The following MACF1 variants were observed in gnomAD, a reference collection of about 807,000 sequenced individuals.
MACF1 encodes the protein microtubule-actin cross-linking factor 1.
A neutral mutation model predicts 854.8 loss-of-function variants in MACF1; 193 were observed. That is an observed-to-expected ratio of 0.23 (90% CI 0.20 to 0.25). MACF1 has a LOEUF of 0.25. Ranked by LOEUF, MACF1 falls within the 10% of genes least tolerant of loss-of-function variation. The pLI is 1.00. For synonymous variants in MACF1, 3,185 were observed against 3,226.7 expected, an observed-to-expected ratio of 0.99 and a Z score of 0.44; for missense variants, 7,722 against 8,929.1, an observed-to-expected ratio of 0.86 and a Z score of 5.45.
In MACF1 at chr1:39,484,725, G is replaced by C; in HGVS notation, c.22406G>C (p.Arg7469Pro). The C allele has an allele frequency of 6.2e-7, 1 of 1,614,036 alleles. No homozygotes were observed. Among genetic ancestry groups the C allele is most frequent in the African/African-American group, 1.3e-5 (1 of 74,998 alleles). Residue 7469 changes from arginine to proline, a missense_variant, in exon 100 of 101, where the codon CGG becomes CCG. Transcript: ENST00000564288. Reference sequence around the variant, plus strand: ...GCCTCCACAGGTGCCAAAACTAATCGGGCAGGTAAGTACCTGCCCCGTGAC... The same window carrying C: ...GCCTCCACAGGTGCCAAAACTAATCCGGCAGGTAAGTACCTGCCCCGTGAC... ...SPASTGAKTN[R>P]ADPKKSASRP...
chr1:39,430,930 C>G (rs1236910472), intron 66 of MACF1, 22 bp downstream of exon 66: 14 of 1,585,468 alleles, frequency 8.8e-6, no homozygotes, highest in Non-Finnish European at 1.2e-5. Flanking sequence ...AATACCTCTG[C>G]ATTAATATTT....
At chr1:39,431,019 A>C in intron 66 of MACF1, 111 bp downstream of exon 66, 1 of 936,106 alleles carries the variant, frequency 1.1e-6, no homozygotes, top group South Asian at 1.5e-5. Flanking sequence ...GCTCAAGCTA[A>C]ATCTGGTGGA....
rs766040642 is a variant in MACF1 at position 39,430,883 on chromosome 1, A to C, written c.17312A>C (p.Asp5771Ala). 3 of 1,612,328 alleles carry C rather than the reference A, an allele frequency of 1.9e-6. No homozygotes were observed. In the East Asian group the frequency reaches 6.7e-5, roughly 36 times the overall value. ...ATTGGACAAAGGGTGGATGAAATTGATGCTGCTATTCAGAGATCACAACAG... is the reference window on the plus strand; with the variant it reads ...ATTGGACAAAGGGTGGATGAAATTGCTGCTGCTATTCAGAGATCACAACAG... Reference protein sequence around the residue: ...DTIGQRVDEIDAAIQRSQQYE... With the variant: ...DTIGQRVDEIAAAIQRSQQYE... The change falls in exon 66 of 101, where the codon GAT becomes GCT. Residue 5771 changes from aspartate to alanine, a missense_variant. Transcript: ENST00000564288.
In MACF1 at chr1:39,283,296, C is replaced by G; in HGVS notation, c.803C>G (p.Ala268Gly). The G allele has an allele frequency of 1.2e-6, 2 of 1,609,972 alleles. No homozygotes were observed. Among genetic ancestry groups the G allele is most frequent in the Non-Finnish European group, 1.7e-6 (2 of 1,176,322 alleles). Residue 268 changes from alanine to glycine, a missense_variant, in exon 8 of 101, where the codon GCA (alanine) becomes GGA (glycine). Coordinates refer to ENST00000564288, the MANE Select transcript of MACF1 (RefSeq NM_001394062.1). The surrounding 1 kb of genome is among the most constrained non-coding windows in gnomAD (Gnocchi z 4.5). ...CTGGGGGTCACTCGCCTGCTGGATGCAGAAGGTGAGAGGGAGTTTACTGAA... is the reference window on the plus strand; with the variant it reads ...CTGGGGGTCACTCGCCTGCTGGATGGAGAAGGTGAGAGGGAGTTTACTGAA... ...ERLGVTRLLDAEDVDVPSPDE... is the reference protein window; with the variant it reads ...ERLGVTRLLDGEDVDVPSPDE...
chr1:39,358,377 A>G (rs1409341203), intron 45 of MACF1, among the ~76,000 whole-genome samples: 1 of 152,166 alleles, frequency 6.6e-6, no homozygotes, highest in Non-Finnish European at 1.5e-5. Flanking sequence ...CAACACTTCT[A>G]ATCCCCAAGA....
At chr1:39,113,921 A>G (rs924455647) in intron 2 of MACF1, among the ~76,000 whole-genome samples, 1 of 152,076 alleles carries the variant, frequency 6.6e-6, no homozygotes, top group Non-Finnish European at 1.5e-5. Context: ...CTGTAGTCCC[A>G]GCTACTTGGG....
In MACF1 at chr1:39,378,490, G is replaced by C. The variant is rs999901569; in HGVS notation, c.13243G>C (p.Val4415Leu). The C allele has an allele frequency of 1.2e-6, 2 of 1,613,934 alleles. No individual in the cohort carries two copies. The highest frequency in any genetic ancestry group is 2.7e-5 in the African/African-American group (2 of 74,938). ...CATACTGCCCTCTGTAGGAAGCTCT[G>C]TAGGCAGTGTAAACGGATACCACAC... ...GSILPSVGSS[V>L]GSVNGYHTCK... The change falls in exon 53 of 101, where the codon GTA becomes CTA. Residue 4415 changes from valine (V) to leucine (L), a missense_variant. By Grantham distance (32) the Val-to-Leu change is conservative. Transcript: ENST00000564288.
rs1571019831 is a variant in MACF1, at chr1:39,084,890, C to T, written c.220+452C>T. Among the ~76,000 whole-genome samples the T allele has an allele frequency of 6.6e-6, 1 of 152,148 alleles. No individual in the cohort carries two copies. Among genetic ancestry groups the T allele is most frequent in the African/African-American group, 2.4e-5 (1 of 41,430 alleles). On this transcript the variant is annotated intron_variant, in intron 2 of 93. Transcript: ENST00000361689. This position sits in a 1 kb window ranked among gnomAD's most constrained non-coding sequence, Gnocchi z 5.2. ...CACTTTTTGGCTATATTAGACAATG[C>T]TGCTGAGAACATGGTTAAGAATGAT...
chr1:39,109,418 C>T (rs571033289), intron 2 of MACF1, among the ~76,000 whole-genome samples: 13 of 151,954 alleles, frequency 8.6e-5, no homozygotes, highest in East Asian at 3.9e-4. Flanking sequence ...TACAGGTGCA[C>T]GCCACCATGC....
At chr1:39,135,847 C>T (rs1426146093) in intron 2 of MACF1, among the ~76,000 whole-genome samples, 2 of 152,124 alleles carry the variant, frequency 1.3e-5, no homozygotes, top group South Asian at 2.1e-4. Flanking sequence ...CTCCTTTGCT[C>T]CTACTATGAA....
intron 58 of MACF1, among the ~76,000 whole-genome samples, chr1:39,397,678 A>G (rs905379593): frequency 6.6e-6 from 1 of 152,212 alleles, no homozygotes. Context: ...AGCCTATTTT[A>G]TAATAAAGTG....
chr1:39,463,471 CAA>C, intron 93 of MACF1, 139 bp from the exon 94 acceptor site: 1 of 538,696 alleles, frequency 1.9e-6, no homozygotes, highest in Admixed American at 2.8e-5. Context: ...GCCTGGGCAA[CAA>C]GAGCGAAACT....
chr1:39,310,184 G>C, intron 24 of MACF1, 61 bp from the exon 25 acceptor site: 1 of 1,349,674 alleles, frequency 7.4e-7, no homozygotes, highest in Non-Finnish European at 1.0e-6. Flanking sequence ...GTAAAATGGA[G>C]GAAAAGAGGA....
chr1:39,329,148 A>G (rs1192423574), intron 36 of MACF1, among the ~76,000 whole-genome samples: 1 of 152,252 alleles, frequency 6.6e-6, no homozygotes. Flanking sequence ...TTTAAATTAT[A>G]TGAATTGGAC....
chr1:39,146,684 G>C (rs1643471872), intron 2 of MACF1, among the ~76,000 whole-genome samples: 1 of 151,864 alleles, frequency 6.6e-6, no homozygotes, highest in Non-Finnish European at 1.5e-5. Context: ...TAGAAAGATG[G>C]TTACCAGAAG....
chr1:39,361,334 G>C (rs1475883877), intron 48 of MACF1, 26 bp from the exon 49 acceptor site: 1 of 1,602,878 alleles, frequency 6.2e-7, no homozygotes, highest in Admixed American at 1.7e-5. Context: ...TGAACCAGGA[G>C]CTGACAGACG....
At chr1:39,308,618 C>T (rs1646237074) in intron 23 of MACF1, among the ~76,000 whole-genome samples, 1 of 151,312 alleles carries the variant, frequency 6.6e-6, no homozygotes, top group African/African-American at 2.4e-5. Flanking sequence ...ACATGAGATG[C>T]TTGGGAAAGA....
At chr1:39,252,462 A>G (rs982648022) in intron 4 of MACF1, among the ~76,000 whole-genome samples, 4 of 152,176 alleles carry the variant, frequency 2.6e-5, no homozygotes, top group Admixed American at 1.3e-4. Flanking sequence ...TCTAGTTGCT[A>G]TAGAGGACAG....
rs772683170 is a variant in MACF1, at chr1:39,347,096, G to A, written c.10701G>A (p.Leu3567=). The change falls in exon 41 of 101, where the codon CTG becomes CTA. Residue 3567 remains leucine, a synonymous_variant. Transcript: ENST00000564288. Reference sequence around the variant, plus strand: ...CCCCTCAGCAGAATCGACAGATGCTGAGGCTTCTGAATGAACTGCAGAGGT... The same window carrying A: ...CCCCTCAGCAGAATCGACAGATGCTAAGGCTTCTGAATGAACTGCAGAGGT... The part of the protein sequence containing the change: ...DLSPQQNRQM[L]RLLNELQRSF... The A allele has an allele frequency of 1.9e-6, 3 of 1,613,736 alleles. No homozygotes were observed. The highest frequency in any genetic ancestry group is 1.3e-5 in the African/African-American group (1 of 74,936).
Sources: gnomAD v4.1 joint callset for allele counts (sites outside exome capture counted in the v4.1 genomes callset) on GRCh38, gnomAD v4.1.1 for gene constraint, Gnocchi (gnomAD v3.1) non-coding constraint, MANE v1.5 for transcripts, NCBI Gene and HGNC (gene_info 2026-07-23, HGNC 2026-07-21) for gene names.